WIPF1: variants seen among roughly 807,000 people sequenced by gnomAD.
The protein encoded by WIPF1 is WAS/WASL interacting protein family member 1.
A neutral mutation model predicts 35.4 loss-of-function variants in WIPF1; 13 were observed. The ratio of observed to expected loss-of-function variants is 0.37; its 90% CI spans 0.24 to 0.58. WIPF1 has a LOEUF of 0.58. Ranked by LOEUF, WIPF1 falls within the 20% of genes least tolerant of loss-of-function variation. WIPF1 has a pLI of 0.74. For missense variants in WIPF1, 591 were observed against 667.0 expected, an observed-to-expected ratio of 0.89 and a Z score of 1.25; for synonymous variants, 267 against 266.3, an observed-to-expected ratio of 1.00 and a Z score of -0.02.
chr2:174,641,928 C>G (rs1687303039), intron 1 of WIPF1, among the ~76,000 whole-genome samples: 1 of 152,210 alleles, frequency 6.6e-6, no homozygotes, highest in Non-Finnish European at 1.5e-5. Flanking sequence ...TAACTAACCT[C>G]TCCAGAGTCT....
intron 1 of WIPF1, among the ~76,000 whole-genome samples, chr2:174,664,807 T>G (rs1687855447): frequency 6.6e-6 from 1 of 152,194 alleles, no homozygotes; most frequent in Non-Finnish European, 1.5e-5. Flanking sequence ...TCATTTTTAA[T>G]TTTTAAATAG....
At chr2:174,603,913 A>G (rs1686079873) in intron 1 of WIPF1, among the ~76,000 whole-genome samples, 1 of 152,254 alleles carries the variant, frequency 6.6e-6, no homozygotes, top group African/African-American at 2.4e-5. Flanking sequence ...TCTGGAAGAA[A>G]TAATAGAGAA....
chr2:174,668,321 C>A (rs925721396), intron 1 of WIPF1, among the ~76,000 whole-genome samples: 1 of 152,206 alleles, frequency 6.6e-6, no homozygotes, highest in African/African-American at 2.4e-5. Flanking sequence ...TGTCTCTTTA[C>A]CTGCGAAACG....
In WIPF1 at chr2:174,561,344, CT is replaced by C. The variant is rs1231495769; in HGVS notation, c.*1202del. The C allele has an allele frequency of 6.6e-6, 1 of 152,132 alleles. No individual in the cohort carries two copies. Among genetic ancestry groups the C allele is most frequent in the African/African-American group, 2.4e-5 (1 of 41,412 alleles). The allele number at this position is 152,132 out of a possible 1,614,324, so 9.4% of individuals were successfully genotyped here. On this transcript the variant is annotated 3_prime_UTR_variant, in exon 8 of 8. Coordinates refer to ENST00000679041, the MANE Select transcript of WIPF1 (RefSeq NM_001375834.1). Reference sequence around the variant, plus strand: ...GATATATTTTCCTGACTTTTTTCCCCTCCTACCAAGCCTTCCTAGTCTCTCC... The same window carrying C: ...GATATATTTTCCTGACTTTTTTCCCCCCTACCAAGCCTTCCTAGTCTCTCC...
At chr2:174,603,435 G>A (rs1686066353) in intron 1 of WIPF1, among the ~76,000 whole-genome samples, 1 of 152,350 alleles carries the variant, frequency 6.6e-6, no homozygotes, top group South Asian at 2.1e-4. Flanking sequence ...GGCTAGCGCA[G>A]GCTGGCCTGG....
chr2:174,636,942 T>C (rs181606325), intron 1 of WIPF1, among the ~76,000 whole-genome samples: 17 of 152,326 alleles, frequency 1.1e-4, no homozygotes, highest in Non-Finnish European at 8.8e-5. Context: ...CACTGTAAAG[T>C]TGCTCCCTGC....
At chr2:174,595,959 T>A (rs547240515) in intron 1 of WIPF1, among the ~76,000 whole-genome samples, 1 of 152,324 alleles carries the variant, frequency 6.6e-6, no homozygotes, top group South Asian at 2.1e-4. Context: ...TGTGTGTTCA[T>A]AAAATGTTAA....
rs757610387 is a variant in WIPF1 at position 174,572,184 on chromosome 2, G to C, written c.621C>G (p.Pro207=). ...SPHNRGSPPV[P]GGPRQPSPGP... ...CGGGGCTGGGCTGCCTGGGGCCTCC[G>C]GGCACTGGTGGGGACCCCCGGTTGT... is the stretch of plus-strand genomic sequence containing the variant. Residue 207 remains proline (P), a synonymous_variant, in exon 5 of 8, where the codon CCC becomes CCG. Coordinates refer to ENST00000679041, the MANE Select transcript of WIPF1 (RefSeq NM_001375834.1). 6.8e-6 allele frequency: 11 copies of C among 1,613,964 alleles called. No homozygotes were observed. Among genetic ancestry groups the C allele is most frequent in the Non-Finnish European group, 8.5e-6 (10 of 1,180,006 alleles).
Position 174,564,815 on chromosome 2 carries a change from G to GCACACACACA in WIPF1, c.1457-2223_1457-2214dup, listed in dbSNP as rs10587549. ...ATCAAACAGAAGCCCTTCTTCTGGT[G>GCACACACACA]CACACACACACACACACACACACAC... On this transcript the variant is annotated intron_variant, in intron 7 of 7. Coordinates refer to ENST00000679041, the MANE Select transcript of WIPF1 (RefSeq NM_001375834.1). 2.2e-3 allele frequency among the ~76,000 whole-genome samples: 311 copies of GCACACACACA among 143,506 alleles called. 1 individual carries two copies. The highest frequency in any genetic ancestry group is 0.015 in the South Asian group (67 of 4,384). The allele number at this position is 143,506 out of a possible 152,430, so 94.1% of individuals were successfully genotyped here. A position where few individuals can be genotyped will look rare whatever the true frequency, so the allele number is the denominator to read the frequency against.
intron 3 of WIPF1, among the ~76,000 whole-genome samples, chr2:174,577,807 T>C (rs987236577): frequency 2.0e-5 from 3 of 151,776 alleles, no homozygotes; most frequent in Non-Finnish European, 4.4e-5. Flanking sequence ...TAGTCCCAGC[T>C]AGTTGGGAGG....
intron 1 of WIPF1, among the ~76,000 whole-genome samples, chr2:174,653,572 T>G (rs2105964727): frequency 6.6e-6 from 1 of 150,932 alleles, no homozygotes; most frequent in Middle Eastern, 3.4e-3. Context: ...CCATCTCTAC[T>G]AAAAATACTA....
chr2:174,603,046 A>G (rs1341510460), intron 1 of WIPF1, among the ~76,000 whole-genome samples: 2 of 152,198 alleles, frequency 1.3e-5, no homozygotes, highest in African/African-American at 4.8e-5. Flanking sequence ...GGAAATTTGT[A>G]GGCTGAGGCG....
At chr2:174,669,398 T>C (rs1687958709) in intron 1 of WIPF1, among the ~76,000 whole-genome samples, 3 of 152,186 alleles carry the variant, frequency 2.0e-5, no homozygotes, top group African/African-American at 7.2e-5. Flanking sequence ...TAATAAACCA[T>C]TAAAACAAAA....
intron 1 of WIPF1, among the ~76,000 whole-genome samples, chr2:174,644,262 C>G (rs950295223): frequency 2.6e-5 from 4 of 152,120 alleles, no homozygotes; most frequent in African/African-American, 9.7e-5. Flanking sequence ...TCATAAACAT[C>G]AGAGAACTAC....
At chr2:174,593,318 T>C (rs757790742) in intron 1 of WIPF1, among the ~76,000 whole-genome samples, 6 of 152,212 alleles carry the variant, frequency 3.9e-5, no homozygotes, top group Admixed American at 2.0e-4. Flanking sequence ...ATAATACATG[T>C]AACACAAAAG....
At position 174,592,730 on chromosome 2, in the gene WIPF1, C is replaced by T. The variant is rs1041989661; in HGVS notation, c.-39+4871G>A. 9.2e-4 allele frequency among the ~76,000 whole-genome samples: 139 copies of T among 151,860 alleles called. 2 individuals are homozygous for T. The highest frequency in any genetic ancestry group is 3.9e-4 in the East Asian group (2 of 5,168). ...AAACAATTCTCCTGCCTCAGCCTCC[C>T]GAGTAGCTGGGATTACAGGCGTGTG... On this transcript the variant is annotated intron_variant, in intron 1 of 7. Coordinates refer to ENST00000679041, the MANE Select transcript of WIPF1 (RefSeq NM_001375834.1).
At chr2:174,666,647 A>G (rs1687898185) in intron 1 of WIPF1, among the ~76,000 whole-genome samples, 3 of 152,236 alleles carry the variant, frequency 2.0e-5, no homozygotes, top group Admixed American at 2.0e-4. Context: ...GCCCCTCCAC[A>G]TTCCTTGACC....
intron 1 of WIPF1, among the ~76,000 whole-genome samples, chr2:174,637,357 T>C (rs927538696): frequency 6.6e-6 from 1 of 152,242 alleles, no homozygotes; most frequent in African/African-American, 2.4e-5. Context: ...TGTTTTGTTT[T>C]GACAAAAGAA....
In WIPF1 at chr2:174,571,607, C is replaced by G; in HGVS notation, c.1129+69G>C. On this transcript the variant is annotated intron_variant, in intron 5 of 7. Transcript: ENST00000679041. This position sits in a 1 kb window ranked among gnomAD's most constrained non-coding sequence, Gnocchi z 4.6. Reference sequence around the variant, plus strand: ...GCCTGCTTTTGTTAGACTATCTTGACTGACAGGATTATTGGTACATTTGGG... The same window carrying G: ...GCCTGCTTTTGTTAGACTATCTTGAGTGACAGGATTATTGGTACATTTGGG... 6.2e-7 allele frequency: 1 copy of G among 1,603,248 alleles called. No homozygotes were observed. The highest frequency in any genetic ancestry group is 8.5e-7 in the Non-Finnish European group (1 of 1,170,414).
Sources: gnomAD v4.1 joint callset for allele counts (sites outside exome capture counted in the v4.1 genomes callset) on GRCh38, gnomAD v4.1.1 for gene constraint, Gnocchi (gnomAD v3.1) non-coding constraint, MANE v1.5 for transcripts, NCBI Gene and HGNC (gene_info 2026-07-23, HGNC 2026-07-21) for gene names.